The following ASTN2 variants were observed in gnomAD, a reference collection of about 807,000 sequenced individuals.
ASTN2 encodes astrotactin 2.
Under a neutral mutation model 139.8 loss-of-function variants are expected in ASTN2, and 54 were observed. That is an observed-to-expected ratio of 0.39 (90% CI 0.31 to 0.48). The LOEUF (loss-of-function observed/expected upper bound fraction) is 0.48. Ranked by LOEUF, ASTN2 falls within the 20% of genes least tolerant of loss-of-function variation. The probability of loss-of-function intolerance (pLI) is 0.95; values close to 1 mark genes in which losing one functional copy is unlikely to be tolerated. For synonymous variants in ASTN2, 756 were observed against 719.5 expected, an observed-to-expected ratio of 1.05 and a Z score of -0.81; for missense variants, 1,565 against 1,725.1, an observed-to-expected ratio of 0.91 and a Z score of 1.64.
chr9:116,857,445 G>C (rs1832770267), intron 11 of ASTN2, among the ~76,000 whole-genome samples: 1 of 152,162 alleles, frequency 6.6e-6, no homozygotes. Context: ...TTCTGAAGGG[G>C]CTTATAAAAC....
intron 20 of ASTN2, among the ~76,000 whole-genome samples, chr9:116,444,760 A>C (rs188287469): frequency 6.6e-6 from 1 of 152,182 alleles, no homozygotes; most frequent in Non-Finnish European, 1.5e-5. Context: ...AACTTGGGCA[A>C]GTCGCTTCAC....
chr9:116,867,549 C>CAAA (rs58222492), intron 10 of ASTN2, among the ~76,000 whole-genome samples: 47 of 78,246 alleles, frequency 6.0e-4, no homozygotes, highest in East Asian at 8.5e-4. Context: ...GACTCTGTCT[C>CAAA]AAAAAAAAAA....
intron 17 of ASTN2, among the ~76,000 whole-genome samples, chr9:116,632,205 A>AG (rs1554723308): frequency 0.04 from 1,792 of 44,960 alleles, 113 homozygotes; most frequent in African/African-American, 0.056. Flanking sequence ...AGAAAGAAAG[A>AG]AAAGAAAGAA....
intron 1 of ASTN2, among the ~76,000 whole-genome samples, chr9:117,295,509 A>C (rs765008798): frequency 6.6e-6 from 1 of 152,092 alleles, no homozygotes; most frequent in Non-Finnish European, 1.5e-5. Flanking sequence ...TCAGTAAATA[A>C]TTACTGAATC....
chr9:117,142,184 A>T (rs1453484530), intron 3 of ASTN2, among the ~76,000 whole-genome samples: 1 of 152,222 alleles, frequency 6.6e-6, no homozygotes, highest in African/African-American at 2.4e-5. Context: ...CACATTTAGG[A>T]GTATAAATTT....
At chr9:116,530,153 A>C (rs1228066017) in intron 19 of ASTN2, among the ~76,000 whole-genome samples, 2 of 27,490 alleles carry the variant, frequency 7.3e-5, no homozygotes, top group African/African-American at 3.8e-4. Context: ...ATATATATAA[A>C]ATAGAATATT....
At chr9:117,143,777 C>T (rs766776958) in intron 3 of ASTN2, among the ~76,000 whole-genome samples, 3 of 150,954 alleles carry the variant, frequency 2.0e-5, no homozygotes, top group Admixed American at 6.6e-5. Context: ...TGTCCTCACT[C>T]GGTGGGGGAG....
chr9:117,181,557 A>G (rs1831067424), intron 3 of ASTN2, among the ~76,000 whole-genome samples: 1 of 152,158 alleles, frequency 6.6e-6, no homozygotes, highest in Admixed American at 6.5e-5. Flanking sequence ...TTTATTTTAT[A>G]GCATGCTAGA....
chr9:117,293,388 G>C (rs952938940), intron 1 of ASTN2, among the ~76,000 whole-genome samples: 1 of 152,172 alleles, frequency 6.6e-6, no homozygotes, highest in African/African-American at 2.4e-5. Flanking sequence ...TCCATTTACA[G>C]TCTTTGCATG....
chr9:116,480,342 T>C (rs953734763), intron 20 of ASTN2, among the ~76,000 whole-genome samples: 1 of 152,176 alleles, frequency 6.6e-6, no homozygotes, highest in Non-Finnish European at 1.5e-5. Flanking sequence ...GTCTCCTGAA[T>C]ATTTGGTGAG....
chr9:117,245,936 T>C (rs1030365169), intron 2 of ASTN2, among the ~76,000 whole-genome samples: 6 of 152,178 alleles, frequency 3.9e-5, no homozygotes, highest in African/African-American at 9.6e-5. Flanking sequence ...TGTATTTTAA[T>C]GAATATTGCA....
chr9:116,819,148 T>C (rs1831413861), intron 12 of ASTN2, among the ~76,000 whole-genome samples: 2 of 152,190 alleles, frequency 1.3e-5, no homozygotes, highest in African/African-American at 4.8e-5. Context: ...TAGTTTCTGA[T>C]GTCAAAATCC....
intron 10 of ASTN2, among the ~76,000 whole-genome samples, chr9:116,891,126 A>G (rs1384234667): frequency 6.6e-6 from 1 of 152,200 alleles, no homozygotes; most frequent in Non-Finnish European, 1.5e-5. Flanking sequence ...CAGTAGCCAG[A>G]TGTACCTTGA....
intron 10 of ASTN2, among the ~76,000 whole-genome samples, chr9:116,964,268 C>CGCACGT (rs1835953664): frequency 6.8e-6 from 1 of 146,114 alleles, no homozygotes; most frequent in Non-Finnish European, 1.5e-5. Flanking sequence ...CGCGCGCGCG[C>CGCACGT]GTGTGTGTTG....
At chr9:116,748,743 C>T (rs1446762366) in intron 13 of ASTN2, among the ~76,000 whole-genome samples, 1 of 152,150 alleles carries the variant, frequency 6.6e-6, no homozygotes, top group East Asian at 1.9e-4. Flanking sequence ...ATTCCTTATG[C>T]ACCCAGTCCT....
intron 10 of ASTN2, among the ~76,000 whole-genome samples, chr9:116,974,929 G>T (rs967602479): frequency 6.6e-6 from 1 of 152,168 alleles, no homozygotes; most frequent in African/African-American, 2.4e-5. Context: ...GTTAAGTAAA[G>T]ATAAGATCAT....
intron 5 of ASTN2, among the ~76,000 whole-genome samples, chr9:117,053,640 T>C (rs374022801): frequency 5.9e-5 from 9 of 152,162 alleles, no homozygotes; most frequent in African/African-American, 2.2e-4. Context: ...CTGGAGTTTG[T>C]TGACCATCAA....
intron 14 of ASTN2, among the ~76,000 whole-genome samples, chr9:116,731,613 G>A (rs931858891): frequency 2.0e-5 from 3 of 152,048 alleles, no homozygotes; most frequent in Admixed American, 1.3e-4. Flanking sequence ...TAGTAGAGAC[G>A]GGGTTTCATC....
At chr9:116,630,781 G>A (rs2131858029) in intron 17 of ASTN2, among the ~76,000 whole-genome samples, 1 of 152,178 alleles carries the variant, frequency 6.6e-6, no homozygotes, top group African/African-American at 2.4e-5. Context: ...ACAAAGTACA[G>A]AATGAGAGAA....
Sources: gnomAD v4.1 joint callset for allele counts (sites outside exome capture counted in the v4.1 genomes callset) on GRCh38, gnomAD v4.1.1 for gene constraint, MANE v1.5 for transcripts, NCBI Gene and HGNC (gene_info 2026-07-23, HGNC 2026-07-21) for gene names.